The following ZCWPW2 variants were observed in gnomAD, a reference collection of about 807,000 sequenced individuals.
ZCWPW2 encodes zinc finger CW-type and PWWP domain containing 2, also known as zinc finger CW-type PWWP domain protein 2.
Under a neutral mutation model 46.6 loss-of-function variants are expected in ZCWPW2, and 45 were observed. The ratio of observed to expected loss-of-function variants is 0.96; its 90% CI spans 0.76 to 1.24. The LOEUF (loss-of-function observed/expected upper bound fraction) is 1.24, where lower values mean the gene tolerates loss of function less well. ZCWPW2 is among the 50% of genes most tolerant of loss of function. The probability of loss-of-function intolerance (pLI) is 0.00; values close to 1 mark genes in which losing one functional copy is unlikely to be tolerated. For synonymous variants in ZCWPW2, 152 were observed against 137.1 expected (o/e 1.11, Z -0.76); for missense variants, 429 against 403.9 (o/e 1.06, Z -0.53).
intron 2 of ZCWPW2, 142 bp downstream of exon 2, chr3:28,390,759 C>T (rs1695454911): frequency 1.5e-6 from 1 of 675,270 alleles, no homozygotes; most frequent in Admixed American, 6.3e-5. Context: ...AATAATTTTT[C>T]AGATAAAATT....
intron 1 of ZCWPW2, among the ~76,000 whole-genome samples, chr3:28,372,488 G>A (rs908202517): frequency 1.3e-5 from 2 of 152,034 alleles, no homozygotes; most frequent in African/African-American, 4.8e-5. Flanking sequence ...AATTAGAAAG[G>A]TTTAAAAAGT....
intron 5 of ZCWPW2, among the ~76,000 whole-genome samples, chr3:28,479,925 G>T (rs1451904663): frequency 6.6e-6 from 1 of 152,026 alleles, no homozygotes; most frequent in Admixed American, 6.6e-5. Context: ...GTGTACAGGT[G>T]CCACATTTTC....
intron 3 of ZCWPW2, among the ~76,000 whole-genome samples, chr3:28,420,064 G>T (rs969835526): frequency 1.1e-4 from 16 of 144,628 alleles, no homozygotes; most frequent in African/African-American, 1.7e-4. Flanking sequence ...CCCTAATACC[G>T]AAAGTATAAT....
chr3:28,467,336 A>T (rs180875748), intron 4 of ZCWPW2, among the ~76,000 whole-genome samples: 9 of 150,258 alleles, frequency 6.0e-5, no homozygotes, highest in Admixed American at 4.6e-4. Context: ...AGGGATATTT[A>T]AAAAATATAT....
intron 4 of ZCWPW2, among the ~76,000 whole-genome samples, chr3:28,474,618 T>TGTGTGTGC (rs1313615563): frequency 1.3e-4 from 19 of 146,552 alleles, no homozygotes; most frequent in Non-Finnish European, 2.4e-4. Context: ...TGTGTGTGTG[T>TGTGTGTGC]GTGCGCGCGC....
At chr3:28,473,279 C>A (rs1239563569) in intron 4 of ZCWPW2, among the ~76,000 whole-genome samples, 1 of 152,040 alleles carries the variant, frequency 6.6e-6, no homozygotes, top group African/African-American at 2.4e-5. Flanking sequence ...AGTTCAAGAC[C>A]AGCCCGCCCA....
chr3:28,394,839 TTTGTC>T (rs1189412843), intron 2 of ZCWPW2, among the ~76,000 whole-genome samples: 2 of 152,108 alleles, frequency 1.3e-5, no homozygotes, highest in Non-Finnish European at 2.9e-5. Flanking sequence ...CTTTATAACA[TTTGTC>T]TTGGCAATAA....
chr3:28,436,877 C>T, intron 4 of ZCWPW2, among the ~76,000 whole-genome samples: 1 of 152,178 alleles, frequency 6.6e-6, no homozygotes, highest in Non-Finnish European at 1.5e-5. Flanking sequence ...AATCTTTTAG[C>T]TGCTCATGAA....
At chr3:28,387,633 T>TC in intron 1 of ZCWPW2, among the ~76,000 whole-genome samples, 1 of 152,350 alleles carries the variant, frequency 6.6e-6, no homozygotes, top group Non-Finnish European at 1.5e-5. Context: ...TGTACATCTA[T>TC]CTACTCTATC....
At chr3:28,424,117 C>A (rs1382124323) in intron 3 of ZCWPW2, among the ~76,000 whole-genome samples, 3 of 151,938 alleles carry the variant, frequency 2.0e-5, no homozygotes, top group Non-Finnish European at 4.4e-5. Context: ...ACCTAACATT[C>A]TTAAAGCTGT....
chr3:28,380,824 A>G (rs1306266041), intron 1 of ZCWPW2, among the ~76,000 whole-genome samples: 2 of 149,714 alleles, frequency 1.3e-5, no homozygotes, highest in Non-Finnish European at 3.0e-5. Flanking sequence ...CTCTGTTCCC[A>G]CCCAAGGCCA....
chr3:28,495,342 G>C (rs1008857033), intron 6 of ZCWPW2, among the ~76,000 whole-genome samples: 19 of 152,074 alleles, frequency 1.2e-4, no homozygotes, highest in Non-Finnish European at 2.2e-4. Flanking sequence ...GATTTAGACA[G>C]GAATATGTGA....
At chr3:28,439,565 C>T (rs1368284331) in intron 4 of ZCWPW2, among the ~76,000 whole-genome samples, 1 of 152,230 alleles carries the variant, frequency 6.6e-6, no homozygotes, top group East Asian at 1.9e-4. Flanking sequence ...CAAGCCCACC[C>T]CTTGGCAACT....
chr3:28,441,289 T>G (rs1697746976), intron 4 of ZCWPW2, among the ~76,000 whole-genome samples: 1 of 152,220 alleles, frequency 6.6e-6, no homozygotes, highest in Non-Finnish European at 1.5e-5. Flanking sequence ...CAAATTTCTT[T>G]GTTACCAATT....
At chr3:28,362,670 C>G (rs948423056) in intron 1 of ZCWPW2, among the ~76,000 whole-genome samples, 3 of 152,042 alleles carry the variant, frequency 2.0e-5, no homozygotes, top group Non-Finnish European at 2.9e-5. Flanking sequence ...TGTGGCAGTT[C>G]CTCAAAGAAC....
At chr3:28,365,786 A>T (rs560078004) in intron 1 of ZCWPW2, among the ~76,000 whole-genome samples, 1 of 140,942 alleles carries the variant, frequency 7.1e-6, no homozygotes, top group African/African-American at 2.5e-5. Context: ...TGAGCATGGA[A>T]TGTTCTTCCA....
intron 2 of ZCWPW2, among the ~76,000 whole-genome samples, chr3:28,411,815 A>G (rs1311089876): frequency 6.6e-6 from 1 of 152,120 alleles, no homozygotes; most frequent in African/African-American, 2.4e-5. Context: ...GTAAAAGTTT[A>G]TATCTTCTGC....
chr3:28,518,324 A>G (rs1700633181), intron 8 of ZCWPW2, among the ~76,000 whole-genome samples: 1 of 152,050 alleles, frequency 6.6e-6, no homozygotes, highest in Non-Finnish European at 1.5e-5. Context: ...TTGACAGAAG[A>G]TGATTGGTCA....
chr3:28,517,442 A>G (rs1173882691), intron 8 of ZCWPW2, among the ~76,000 whole-genome samples: 1 of 152,206 alleles, frequency 6.6e-6, no homozygotes, highest in Non-Finnish European at 1.5e-5. Context: ...TCATATGGCA[A>G]AAGCAGGAAC....
Sources: allele counts gnomAD v4.1 joint callset (sites outside exome capture counted in the v4.1 genomes callset), GRCh38; gene constraint gnomAD v4.1.1; transcripts MANE v1.5; gene names NCBI Gene and HGNC (gene_info 2026-07-23, HGNC 2026-07-21).